Variants in NCOR2 observed in about 807,000 individuals in gnomAD.
NCOR2 encodes nuclear receptor corepressor 2.
In NCOR2, 81 loss-of-function variants were observed where a neutral mutation model predicts 262.9. That is an observed-to-expected ratio of 0.31 (90% CI 0.26 to 0.37). The LOEUF (loss-of-function observed/expected upper bound fraction) is 0.37, where lower values mean the gene tolerates loss of function less well. NCOR2 is among the 10% of genes least tolerant of loss of function. The pLI, the probability that NCOR2 is intolerant of heterozygous loss-of-function variation, is 1.00. For synonymous variants in NCOR2, 1,659 were observed against 1,559.3 expected (o/e 1.06, Z -1.51); for missense variants, 3,385 against 3,621.4 (o/e 0.93, Z 1.68).
intron 13 of NCOR2, 140 bp downstream of exon 15, chr12:124,419,817 C>A: frequency 2.7e-6 from 2 of 751,176 alleles, no homozygotes; most frequent in East Asian, 2.6e-5. Context: ...GGGGAGCCTG[C>A]ACTCACACTG....
exon 4 of NCOR2, chr12:124,473,082 G>C (rs369337188): frequency 6.2e-7 from 1 of 1,613,490 alleles, no homozygotes; most frequent in Non-Finnish European, 8.5e-7. Context: ...GTCAGTGTGC[G>C]GGGGGCTGGG....
In NCOR2 at chr12:124,483,312, C is replaced by T. The variant is rs983959277; in HGVS notation, c.411+284G>A. Among the ~76,000 whole-genome samples, 3 of 152,184 alleles carry T rather than the reference C, an allele frequency of 2.0e-5. No individual in the cohort carries two copies. Among genetic ancestry groups the T allele is most frequent in the African/African-American group, 7.2e-5 (3 of 41,424 alleles). ...CCAGCTCTCCCCTCCCTCACGCCAG[C>T]TACCCCGTGACCACAAGCCTATTCC... On this transcript the variant is annotated intron_variant, in intron 3 of 46. Transcript: ENST00000405201. The surrounding 1 kb of genome is among the most constrained non-coding windows in gnomAD (Gnocchi z 6.3).
chr12:124,441,612 T>G (rs1319448115), intron 7 of NCOR2, among the ~76,000 whole-genome samples: 1 of 152,218 alleles, frequency 6.6e-6, no homozygotes, highest in Non-Finnish European at 1.5e-5. Flanking sequence ...ACAGGAAATT[T>G]GCACAGTCTC....
chr12:124,350,559 C>T, intron 28 of NCOR2, 28 bp downstream of exon 30: 1 of 1,603,654 alleles, frequency 6.2e-7, no homozygotes, highest in Non-Finnish European at 8.5e-7. Flanking sequence ...TCCCCTGGTC[C>T]TGGGCCTCCT....
At chr12:124,339,216 A>T (rs1227266715) in intron 37 of NCOR2, among the ~76,000 whole-genome samples, 1 of 74,614 alleles carries the variant, frequency 1.3e-5, no homozygotes, top group Non-Finnish European at 2.7e-5. Context: ...CGATCTACCT[A>T]CCACCCACCC....
intron 1 of NCOR2, chr12:124,514,366 ATAGACTAAAACAAGG>A (rs1206425113): frequency 1.3e-5 from 2 of 152,284 alleles, no homozygotes; most frequent in Non-Finnish European, 2.9e-5. Context: ...CCCAGTCCAA[ATAGACTAAAACAAGG>A]TGGGGACAGG....
chr12:124,542,733 C>A (rs1045490412), intron 1 of NCOR2: 3 of 152,346 alleles, frequency 2.0e-5, no homozygotes, highest in African/African-American at 4.8e-5. Flanking sequence ...GGCTCACCGC[C>A]CTCCCAGGGC....
chr12:124,334,433 C>T, exon 41 of NCOR2: 2 of 1,508,744 alleles, frequency 1.3e-6, no homozygotes, highest in Non-Finnish European at 1.8e-6. Flanking sequence ...CCTCTTGCCC[C>T]CTTCGCTGTG....
rs1240696673 is a variant in NCOR2 at position 124,523,287 on chromosome 12, C to A, written c.-118+12278G>T. ...CAGCACCATCCGGCACGCCAGAATA[C>A]CATGGGCACCCAGCAACTGGCAAGG... On this transcript the variant is annotated intron_variant, in intron 1 of 46. Transcript: ENST00000404621. This position sits in a 1 kb window ranked among gnomAD's most constrained non-coding sequence, Gnocchi z 4.0. 6.6e-6 allele frequency among the ~76,000 whole-genome samples: 1 copy of A among 152,208 alleles called. No individual in the cohort carries two copies. Among genetic ancestry groups the A allele is most frequent in the Non-Finnish European group, 1.5e-5 (1 of 68,050 alleles).
At chr12:124,336,932 C>T (rs1466080284) in exon 38 of NCOR2, 8 of 1,569,782 alleles carry the variant, frequency 5.1e-6, no homozygotes, top group East Asian at 4.5e-5. Flanking sequence ...CACTAGGGGC[C>T]GGGGCTCCGA....
chr12:124,411,145 A>T (rs1025985588), intron 13 of NCOR2, among the ~76,000 whole-genome samples: 2 of 151,434 alleles, frequency 1.3e-5, no homozygotes, highest in African/African-American at 4.9e-5. Context: ...AGAGAGAGAG[A>T]CGGGAAAGCA....
chr12:124,516,622 C>T (rs991753153), intron 1 of NCOR2, among the ~76,000 whole-genome samples: 3 of 152,126 alleles, frequency 2.0e-5, no homozygotes, highest in Non-Finnish European at 4.4e-5. Flanking sequence ...GACACACCGG[C>T]AGGCTGCAGT....
chr12:124,367,777 C>T (rs2039155412), intron 20 of NCOR2, among the ~76,000 whole-genome samples: 1 of 151,870 alleles, frequency 6.6e-6, no homozygotes, highest in South Asian at 2.1e-4. Flanking sequence ...GGATTGCAGG[C>T]ACACGCCACC....
intron 32 of NCOR2, among the ~76,000 whole-genome samples, chr12:124,344,393 C>T (rs76582977): frequency 2.0e-3 from 308 of 152,286 alleles, no homozygotes; most frequent in African/African-American, 6.9e-3. Context: ...CTAGGTGAGA[C>T]ACCACGGTGG....
intron 3 of NCOR2, among the ~76,000 whole-genome samples, chr12:124,480,322 C>T (rs928103376): frequency 2.0e-5 from 3 of 152,192 alleles, no homozygotes; most frequent in African/African-American, 7.2e-5. Flanking sequence ...CAGGCTACAA[C>T]AAGGATTAGG....
intron 20 of NCOR2, among the ~76,000 whole-genome samples, chr12:124,370,799 C>A (rs912888005): frequency 2.0e-5 from 3 of 152,150 alleles, no homozygotes; most frequent in Non-Finnish European, 4.4e-5. Flanking sequence ...AAAGAACACA[C>A]CTCAGAGACA....
chr12:124,556,006 C>T (rs755874728), intron 1 of NCOR2: 5 of 152,240 alleles, frequency 3.3e-5, no homozygotes, highest in South Asian at 2.1e-4. Flanking sequence ...CCTCGAGAGA[C>T]GAGGAATCTG....
intron 30 of NCOR2, 129 bp downstream of exon 32, chr12:124,347,696 G>A: frequency 1.2e-6 from 1 of 849,432 alleles, no homozygotes; most frequent in Non-Finnish European, 1.9e-6. Context: ...TCATGTACAT[G>A]TGTGCTGCAG....
At chr12:124,345,607 C>T (rs1232853682) in intron 31 of NCOR2, among the ~76,000 whole-genome samples, 2 of 152,316 alleles carry the variant, frequency 1.3e-5, no homozygotes, top group Non-Finnish European at 1.5e-5. Flanking sequence ...TCATTACTGT[C>T]GTAAGAAGGG....
Sources: gnomAD v4.1 joint callset for allele counts (sites outside exome capture counted in the v4.1 genomes callset) on GRCh38, gnomAD v4.1.1 for gene constraint, Gnocchi (gnomAD v3.1) non-coding constraint, MANE v1.5 for transcripts, NCBI Gene and HGNC (gene_info 2026-07-23, HGNC 2026-07-21) for gene names.